The following ADAM15 variants were observed in gnomAD, a reference collection of about 807,000 sequenced individuals.
ADAM15 encodes disintegrin and metalloproteinase domain-containing protein 15.
A neutral mutation model predicts 113.8 loss-of-function variants in ADAM15; 77 were observed. The observed-to-expected ratio is 0.68, with a 90% CI of 0.56 to 0.82. The LOEUF is 0.82. Among genes scored for constraint, ADAM15 ranks in the 40% least tolerant of loss-of-function variants. ADAM15 has a pLI of 0.00. For synonymous variants in ADAM15, 388 were observed against 454.1 expected (o/e 0.85, Z 1.85); for missense variants, 963 against 1,120.1 (o/e 0.86, Z 2.00).
Position 155,056,148 on chromosome 1 carries a change from G to A in ADAM15, c.813G>A (p.Val271=), listed in dbSNP as rs151306623. 1.7e-4 allele frequency: 267 copies of A among 1,613,882 alleles called. 2 individuals carry two copies. The highest frequency in any genetic ancestry group is 1.6e-4 in the Middle Eastern group (1 of 6,084). ...GLEAWTQRDL[V]EISPNPAVTL... ...AGGCCTGGACCCAGCGTGACCTGGT[G>A]GAGATCAGCCCAAACCCAGCTGTCA... is the stretch of plus-strand genomic sequence containing the variant. The change falls in exon 9 of 23, where the codon GTG becomes GTA. Residue 271 remains valine (V), a synonymous_variant. Coordinates refer to ENST00000356955, the MANE Select transcript of ADAM15 (RefSeq NM_207197.3). The surrounding 1 kb of genome is among the most constrained non-coding windows in gnomAD (Gnocchi z 4.0).
In ADAM15 at chr1:155,058,082, G is replaced by A. The variant is rs1017304799; in HGVS notation, c.1648G>A (p.Ala550Thr). ...QPAAPLCLQTANTRGNAFGSC... is the reference protein window; with the variant it reads ...QPAAPLCLQTTNTRGNAFGSC... ...CGCTGCGCCACTTTGCCTCCAGACAGCTAATACTCGGGGAAATGCTTTTGG... is the reference window on the plus strand; with the variant it reads ...CGCTGCGCCACTTTGCCTCCAGACAACTAATACTCGGGGAAATGCTTTTGG... Residue 550 changes from alanine to threonine, a missense_variant, in exon 14 of 23, where the codon GCT becomes ACT. Physicochemically the swap from Ala to Thr is moderately conservative, Grantham distance 58. Coordinates refer to ENST00000356955, the MANE Select transcript of ADAM15 (RefSeq NM_207197.3). This position sits in a 1 kb window ranked among gnomAD's most constrained non-coding sequence, Gnocchi z 4.3. 1 of 1,614,100 alleles carries A rather than the reference G, an allele frequency of 6.2e-7. No individual in the cohort carries two copies. Among genetic ancestry groups the A allele is most frequent in the Non-Finnish European group, 8.5e-7 (1 of 1,179,962 alleles).
Position 155,055,826 on chromosome 1 carries a change from T to G in ADAM15, c.649T>G (p.Leu217Val), listed in dbSNP as rs1661681492. 2.5e-6 allele frequency: 4 copies of G among 1,614,052 alleles called. No homozygotes were observed. The highest frequency in any genetic ancestry group is 2.5e-6 in the Non-Finnish European group (3 of 1,180,008). The change falls in exon 7 of 23, where the codon TTG (leucine) becomes GTG (valine). Residue 217 changes from leucine to valine, a missense_variant. Physicochemically the swap from Leu to Val is conservative, Grantham distance 32. Transcript: ENST00000356955. Reference protein sequence around the residue: ...DVVTETKTVELVIVADHSEAQ... With the variant: ...DVVTETKTVEVVIVADHSEAQ... ...GGTAACAGAGACCAAGACTGTGGAGTTGGTGATTGTGGCTGATCACTCGGA... is the reference window on the plus strand; with the variant it reads ...GGTAACAGAGACCAAGACTGTGGAGGTGGTGATTGTGGCTGATCACTCGGA...
chr1:155,062,676 G>A lies in ADAM15; in HGVS notation c.*174G>A, dbSNP rs956394231. 5 of 934,570 alleles carry A rather than the reference G, an allele frequency of 5.4e-6. No homozygotes were observed. The highest frequency in any genetic ancestry group is 1.7e-5 in the African/African-American group (1 of 60,224). 57.9% of individuals were successfully genotyped at this position (934,570 alleles called of 1,614,324 possible). A position where few individuals can be genotyped will look rare whatever the true frequency, so the allele number is the denominator to read the frequency against. On this transcript the variant is annotated 3_prime_UTR_variant, in exon 23 of 23. Coordinates refer to ENST00000356955, the MANE Select transcript of ADAM15 (RefSeq NM_207197.3). This position sits in a 1 kb window ranked among gnomAD's most constrained non-coding sequence, Gnocchi z 7.0. The stretch of plus-strand genomic sequence containing the variant: ...CTGCGGACCTGCCGGCGTAGTTGCA[G>A]CGGGGGCTTGGGGAGGGGCTGGGGG...
At position 155,057,708 on chromosome 1, in the gene ADAM15, A is replaced by G. The variant is rs1312733488; in HGVS notation, c.1395A>G (p.Gly465=). The change falls in exon 13 of 23, where the codon GGA becomes GGG. Residue 465 remains glycine (G), a synonymous_variant. Transcript: ENST00000356955. This position sits in a 1 kb window ranked among gnomAD's most constrained non-coding sequence, Gnocchi z 5.0. ...CAGGTGCACAGTGTGCATCTGACGG[A>G]CCCTGTTGTCAAAATTGCCAGGTGG... The part of the protein sequence containing the change: ...LRPGAQCASD[G]PCCQNCQLRP... 1 of 1,614,174 alleles carries G rather than the reference A, an allele frequency of 6.2e-7. No homozygotes were observed. The highest frequency in any genetic ancestry group is 1.7e-5 in the Admixed American group (1 of 60,032).
At chr1:155,053,638 C>T (rs6660884) in intron 3 of ADAM15, 145 bp downstream of exon 3, 534,529 of 887,756 alleles carry the variant, frequency 0.6, 173,591 homozygotes, top group African/African-American at 0.76. Flanking sequence ...ATTGTCCTCA[C>T]TTTATACATG....
At chr1:155,060,907 TAAAGGCTCCAGACTCAGAG>T (rs1662487083) in intron 19 of ADAM15, 75 bp downstream of exon 19, 14 of 1,403,034 alleles carry the variant, frequency 1.0e-5, no homozygotes, top group Non-Finnish European at 1.4e-5. Context: ...GGGTGCGCAT[TAAAGGCTCCAGACTCAGAG>T]AAAGGCTAGC....
At chr1:155,054,922 T>C (rs1415936853) in intron 6 of ADAM15, among the ~76,000 whole-genome samples, 5 of 152,088 alleles carry the variant, frequency 3.3e-5, no homozygotes, top group Non-Finnish European at 7.4e-5. Flanking sequence ...ACAGATTAGG[T>C]GGTTTGCCCG....
chr1:155,058,658 C>G lies in ADAM15; in HGVS notation c.1918-52C>G, dbSNP rs1662119049. The G allele has an allele frequency of 2.1e-5, 33 of 1,587,080 alleles. No homozygotes were observed. The South Asian group carries it at 3.1e-4, about 15-fold the overall frequency. On this transcript the variant is annotated intron_variant, in intron 15 of 22. Coordinates refer to ENST00000356955, the MANE Select transcript of ADAM15 (RefSeq NM_207197.3). The surrounding 1 kb of genome is among the most constrained non-coding windows in gnomAD (Gnocchi z 4.3). ...GCCTCAACCTTATTGGCCTCCCAGT[C>G]CCATTAAAGCTTTGTGGGAATCTGA...
In ADAM15 at chr1:155,062,421, G is replaced by C; in HGVS notation, c.2550-39G>C. ...GCGGGGCGAGTGACCTGGGGGAAAG[G>C]GGCCTCTGACTCTTTTTTCTTGGCT... On this transcript the variant is annotated intron_variant, in intron 22 of 22. Transcript: ENST00000356955. The surrounding 1 kb of genome is among the most constrained non-coding windows in gnomAD (Gnocchi z 7.0). 1 of 1,612,740 alleles carries C rather than the reference G, an allele frequency of 6.2e-7. No individual in the cohort carries two copies. Among genetic ancestry groups the C allele is most frequent in the Non-Finnish European group, 8.5e-7 (1 of 1,179,794 alleles).
Position 155,060,281 on chromosome 1 carries a change from C to T in ADAM15, c.2145C>T (p.Tyr715=). ...LLVLVMLGAS[Y]WYRARLHQRL... is the part of the protein sequence containing the mutation. ...TCCTGGTGATGCTTGGTGCCAGCTA[C>T]TGGTACCGTGCCCGCCTGCACCAGC... The change falls in exon 18 of 23, where the codon TAC becomes TAT. Residue 715 remains tyrosine, a synonymous_variant. Coordinates refer to ENST00000356955, the MANE Select transcript of ADAM15 (RefSeq NM_207197.3). 1 of 1,614,136 alleles carries T rather than the reference C, an allele frequency of 6.2e-7. No homozygotes were observed. The highest frequency in any genetic ancestry group is 8.5e-7 in the Non-Finnish European group (1 of 1,180,014).
In ADAM15 at chr1:155,061,517, G is replaced by T. The variant is rs372316880; in HGVS notation, c.2352+28G>T. 50 of 1,607,796 alleles carry T rather than the reference G, an allele frequency of 3.1e-5. 1 individual carries two copies. In the African/African-American group the frequency reaches 5.9e-4, roughly 19 times the overall value. On this transcript the variant is annotated intron_variant, in intron 20 of 22. Transcript: ENST00000356955. ...AAATCTGGGCCAGGGCCCGCCCTGA[G>T]CCAAGGCAGGTGGGAGGCTTGGTAC... is the stretch of plus-strand genomic sequence containing the variant.
chr1:155,051,772 G>A lies in ADAM15; in HGVS notation c.79+307G>A, dbSNP rs1661058527. 3 of 296,092 alleles carry A rather than the reference G, an allele frequency of 1.0e-5. No homozygotes were observed. The South Asian group carries it at 1.8e-4, about 18-fold the overall frequency. 18.3% of individuals were successfully genotyped at this position (296,092 alleles called of 1,614,324 possible). A position where few individuals can be genotyped will look rare whatever the true frequency, so the allele number is the denominator to read the frequency against. On this transcript the variant is annotated intron_variant, in intron 1 of 22. Coordinates refer to ENST00000356955, the MANE Select transcript of ADAM15 (RefSeq NM_207197.3). ...TCCAGCGCCACTTCAAGATCGTGAT[G>A]AGAGGGTCGCTGCTCCCCAGGACTG...
Position 155,056,238 on chromosome 1 carries a change from C to G in ADAM15, c.903C>G (p.Ala301=). Residue 301 remains alanine (A), a synonymous_variant, in exon 9 of 23, where the codon GCC becomes GCG. Coordinates refer to ENST00000356955, the MANE Select transcript of ADAM15 (RefSeq NM_207197.3). The surrounding 1 kb of genome is among the most constrained non-coding windows in gnomAD (Gnocchi z 4.0). ...HLLPRLPHDS[A]QLVTGTSFSG... ...TGCCTCGATTGCCCCATGACAGTGC[C>G]CAGCTGGTGACGTAAGGGCCCCAGA... 1 of 1,613,972 alleles carries G rather than the reference C, an allele frequency of 6.2e-7. No homozygotes were observed. The highest frequency in any genetic ancestry group is 8.5e-7 in the Non-Finnish European group (1 of 1,180,022).
At chr1:155,061,279 C>A in intron 19 of ADAM15, 136 bp from the exon 20 acceptor site, 1 of 631,342 alleles carries the variant, frequency 1.6e-6, no homozygotes, top group South Asian at 1.9e-5. Flanking sequence ...CTGCATGCAC[C>A]TGCATAACTG....
chr1:155,062,774 T>G lies in ADAM15; in HGVS notation c.*272T>G. On this transcript the variant is annotated 3_prime_UTR_variant, in exon 23 of 23. Transcript: ENST00000356955. This position sits in a 1 kb window ranked among gnomAD's most constrained non-coding sequence, Gnocchi z 7.0. ...CAATAAACGTGACATCTTGGGAGCG[T>G]TCCCCAGAGTTTGTCTGCTTCTAGA... 2.4e-6 allele frequency: 1 copy of G among 419,422 alleles called. No individual in the cohort carries two copies. The highest frequency in any genetic ancestry group is 4.3e-6 in the Non-Finnish European group (1 of 235,120). The allele number at this position is 419,422 out of a possible 1,614,324, so 26.0% of individuals were successfully genotyped here. A position where few individuals can be genotyped will look rare whatever the true frequency, so the allele number is the denominator to read the frequency against.
chr1:155,054,364 C>T lies in ADAM15; in HGVS notation c.470C>T (p.Pro157Leu). The change falls in exon 6 of 23, where the codon CCT (proline) becomes CTT (leucine). Residue 157 changes from proline (P) to leucine (L), a missense_variant. Physicochemically the swap from Pro to Leu is moderately conservative, Grantham distance 98 (BLOSUM62 -3). Coordinates refer to ENST00000356955, the MANE Select transcript of ADAM15 (RefSeq NM_207197.3). ...PERSYTLEQG[P>L]GDLQGPPIIS... ...AGAAGCTATACCCTGGAGCAGGGGC[C>T]TGGGGACCTTCAGGGTCCTCCCATT... is the stretch of plus-strand genomic sequence containing the variant. 6.2e-7 allele frequency: 1 copy of T among 1,613,418 alleles called. No individual in the cohort carries two copies. The highest frequency in any genetic ancestry group is 8.5e-7 in the Non-Finnish European group (1 of 1,179,676).
In ADAM15 at chr1:155,056,212, C is replaced by A; in HGVS notation, c.877C>A (p.Leu293Met). The change falls in exon 9 of 23, where the codon CTG (leucine) becomes ATG (methionine). Residue 293 changes from leucine to methionine, a missense_variant. Transcript: ENST00000356955. The surrounding 1 kb of genome is among the most constrained non-coding windows in gnomAD (Gnocchi z 4.0). ...CCTCCACTGGCGCAGGGCACATTTG[C>A]TGCCTCGATTGCCCCATGACAGTGC... ...NFLHWRRAHLLPRLPHDSAQL... is the reference protein window; with the variant it reads ...NFLHWRRAHLMPRLPHDSAQL... 6.2e-7 allele frequency: 1 copy of A among 1,614,044 alleles called. No homozygotes were observed. The highest frequency in any genetic ancestry group is 8.5e-7 in the Non-Finnish European group (1 of 1,180,040).
Position 155,052,653 on chromosome 1 carries a change from G to A in ADAM15, c.80-18G>A, listed in dbSNP as rs1305744318. On this transcript the variant is annotated intron_variant, in intron 1 of 22. Transcript: ENST00000356955. ...TCGATTCCCTCAGTACTGTCTTGGG[G>A]TGTCCTGGGACCTGCAGGTGGCACT... The A allele has an allele frequency of 6.3e-7, 1 of 1,588,716 alleles. No individual in the cohort carries two copies. Among genetic ancestry groups the A allele is most frequent in the South Asian group, 1.1e-5 (1 of 87,272 alleles).
intron 1 of ADAM15, 69 bp downstream of exon 1, chr1:155,051,534 T>G: frequency 7.1e-7 from 1 of 1,400,980 alleles, no homozygotes; most frequent in Non-Finnish European, 9.5e-7. Flanking sequence ...CGGAAGGCAT[T>G]AGGGTAATGG....
Sources: gnomAD v4.1 joint callset for allele counts (sites outside exome capture counted in the v4.1 genomes callset) on GRCh38, gnomAD v4.1.1 for gene constraint, Gnocchi (gnomAD v3.1) non-coding constraint, MANE v1.5 for transcripts, NCBI Gene and HGNC (gene_info 2026-07-23, HGNC 2026-07-21) for gene names.